The following CBR4 variants were observed in gnomAD, a reference collection of about 807,000 sequenced individuals.
CBR4 encodes carbonyl reductase 4.
Under a neutral mutation model 21.0 loss-of-function variants are expected in CBR4, and 22 were observed. The observed-to-expected ratio is 1.05, with a 90% confidence interval of 0.75 to 1.50. CBR4 has a LOEUF of 1.50. Ranked by LOEUF, CBR4 falls within the 40% of genes most tolerant of loss-of-function variation. CBR4 has a pLI of 0.00. For missense variants in CBR4, 302 were observed against 286.3 expected (o/e 1.05, Z -0.40); for synonymous variants, 100 against 104.4 (o/e 0.96, Z 0.26).
At chr4:168,962,204 AT>A (rs202128093) in intron 2 of CBR4, among the ~76,000 whole-genome samples, 25 of 151,806 alleles carry the variant, frequency 1.6e-4, no homozygotes, top group Non-Finnish European at 3.4e-4. Context: ...AAAACTAAGG[AT>A]TTTTTTTTCT....
At position 168,988,015 on chromosome 4, in the gene CBR4, A is replaced by G; in HGVS notation, c.*2135T>C. On this transcript the variant is annotated 3_prime_UTR_variant, in exon 5 of 5. Transcript: ENST00000306193. The stretch of plus-strand genomic sequence containing the variant: ...CTCATAGGAGTCAGCAAACAGCTAC[A>G]GATGAGTCTTCTTGTTAAGAATTCA... The G allele has an allele frequency of 1.0e-6, 1 of 985,478 alleles. No individual in the cohort carries two copies. Among genetic ancestry groups the G allele is most frequent in the Admixed American group, 6.1e-5 (1 of 16,294 alleles). 61.0% of individuals were successfully genotyped at this position (985,478 alleles called of 1,614,324 possible).
At chr4:168,974,714 T>G (rs1397794108) in intron 2 of CBR4, among the ~76,000 whole-genome samples, 2 of 152,216 alleles carry the variant, frequency 1.3e-5, no homozygotes, top group African/African-American at 4.8e-5. Context: ...TTCCACTGTA[T>G]TTAGCATTTC....
rs1730496871 is a variant in CBR4, at chr4:169,002,105, T to G, written c.501A>C (p.Ala167=). Residue 167 remains alanine, a synonymous_variant, in exon 4 of 5, where the codon GCA becomes GCC. Coordinates refer to ENST00000306193, the MANE Select transcript of CBR4 (RefSeq NM_032783.5). ...CTACATTCACTCTAATTTTCTTTCT[T>G]GCTACCTCTTTAGCAAGAGCACGTG... is the stretch of plus-strand genomic sequence containing the variant. ...GFSRALAKEV[A]RKKIRVNVVA... 8 of 1,598,114 alleles carry G rather than the reference T, an allele frequency of 5.0e-6. No individual in the cohort carries two copies. The highest frequency in any genetic ancestry group is 6.8e-6 in the Non-Finnish European group (8 of 1,173,782).
intron 2 of CBR4, chr4:168,896,629 A>C: frequency 7.7e-7 from 1 of 1,305,076 alleles, no homozygotes; most frequent in Non-Finnish European, 1.1e-6. Flanking sequence ...TTCTCCTTCC[A>C]GTCTTTCTCT....
At chr4:168,923,366 A>C (rs956774186) in intron 2 of CBR4, among the ~76,000 whole-genome samples, 1 of 152,226 alleles carries the variant, frequency 6.6e-6, no homozygotes, top group Non-Finnish European at 1.5e-5. Context: ...TTGCTGTGAT[A>C]TATCTGTCAC....
intron 2 of CBR4, among the ~76,000 whole-genome samples, chr4:168,953,849 T>C (rs72704252): frequency 1.3e-5 from 2 of 151,966 alleles, no homozygotes; most frequent in Admixed American, 6.6e-5. Context: ...TTAGAGCACA[T>C]AGAGAAGAAA....
chr4:168,974,664 T>C (rs1764315117), intron 2 of CBR4, among the ~76,000 whole-genome samples: 2 of 152,162 alleles, frequency 1.3e-5, no homozygotes, highest in Non-Finnish European at 2.9e-5. Flanking sequence ...CTTTGGGCTC[T>C]TATGTTTTCT....
chr4:168,984,242 T>C (rs761361387), downstream of CBR4, among the ~76,000 whole-genome samples: 2 of 152,076 alleles, frequency 1.3e-5, no homozygotes, highest in African/African-American at 2.4e-5. Flanking sequence ...CAAAAATCAG[T>C]AGTATTTATC....
At chr4:168,990,870 T>C (rs919393478) in intron 4 of CBR4, among the ~76,000 whole-genome samples, 1 of 151,924 alleles carries the variant, frequency 6.6e-6, no homozygotes, top group African/African-American at 2.4e-5. Flanking sequence ...CTGCCCAACA[T>C]GGTGAAACCC....
intron 2 of CBR4, among the ~76,000 whole-genome samples, chr4:168,970,598 A>C (rs1291305109): frequency 6.6e-6 from 1 of 152,128 alleles, no homozygotes; most frequent in Non-Finnish European, 1.5e-5. Flanking sequence ...TGAGCAGTGT[A>C]CACTGCACCC....
At chr4:168,923,018 C>T (rs1761891893) in intron 2 of CBR4, among the ~76,000 whole-genome samples, 3 of 152,220 alleles carry the variant, frequency 2.0e-5, no homozygotes, top group African/African-American at 7.2e-5. Context: ...CCTCACAGTG[C>T]TTTCCTAAGG....
rs1560894892 is a variant in CBR4 at position 168,905,138 on chromosome 4, G to GTTTTTTGTTTT, written n.170-10374_170-10373insAAAACAAAAAA. 6.1e-4 allele frequency among the ~76,000 whole-genome samples: 21 copies of GTTTTTTGTTTT among 34,538 alleles called. 3 individuals carry two copies. The highest frequency in any genetic ancestry group is 1.9e-3 in the East Asian group (1 of 524). The allele number at this position is 34,538 out of a possible 152,430, so 22.7% of individuals were successfully genotyped here. ...TGAGACTTTGTTTTTTGTTTTGTTG[G>GTTTTTTGTTTT]TTTTTTTTTTTTTTTTTTTTTTTTT... On this transcript the variant is annotated intron_variant and non_coding_transcript_variant, in intron 2 of 3. Coordinates refer to the CBR4 transcript ENST00000509108.
In CBR4 at chr4:168,988,364, C is replaced by G. The variant is rs1764765909; in HGVS notation, c.*1786G>C. On this transcript the variant is annotated 3_prime_UTR_variant, in exon 5 of 5. Coordinates refer to ENST00000306193, the MANE Select transcript of CBR4 (RefSeq NM_032783.5). ...GGCTAAACCTATCTATAACCTACAT[C>G]TTAATGTCAGCAAAACATACTGCTT... The G allele has an allele frequency of 2.9e-5, 29 of 985,256 alleles. No individual in the cohort carries two copies. Among genetic ancestry groups the G allele is most frequent in the Admixed American group, 6.2e-5 (1 of 16,252 alleles). 61.0% of individuals were successfully genotyped at this position (985,256 alleles called of 1,614,324 possible).
At chr4:168,947,093 T>C (rs776108739) in intron 2 of CBR4, among the ~76,000 whole-genome samples, 2 of 152,162 alleles carry the variant, frequency 1.3e-5, no homozygotes, top group East Asian at 1.9e-4. Context: ...ACATGCCTCA[T>C]AGACATAGAG....
intron 2 of CBR4, among the ~76,000 whole-genome samples, chr4:168,940,284 T>A (rs1042658001): frequency 6.6e-6 from 1 of 152,066 alleles, no homozygotes; most frequent in Non-Finnish European, 1.5e-5. Context: ...TATACAAAAA[T>A]TAACTCAAGA....
At position 168,903,806 on chromosome 4, in the gene CBR4, A is replaced by G. The variant is rs1446250415; in HGVS notation, n.170-9041T>C. 2 of 1,611,044 alleles carry G rather than the reference A, an allele frequency of 1.2e-6. No individual in the cohort carries two copies. Among genetic ancestry groups the G allele is most frequent in the Non-Finnish European group, 8.5e-7 (1 of 1,177,244 alleles). On this transcript the variant is annotated intron_variant and non_coding_transcript_variant, in intron 2 of 3. Transcript: ENST00000509108. Reference sequence around the variant, plus strand: ...CAGATCTCTCCAAAGAGTGATCACTACACCATTCAAAGAGATCTCGATGGG... The same window carrying G: ...CAGATCTCTCCAAAGAGTGATCACTGCACCATTCAAAGAGATCTCGATGGG...
intron 2 of CBR4, among the ~76,000 whole-genome samples, chr4:168,969,575 A>G (rs1764143155): frequency 6.6e-6 from 1 of 152,196 alleles, no homozygotes; most frequent in African/African-American, 2.4e-5. Context: ...GATTCAAAGC[A>G]TGAGTGGGAC....
intron 2 of CBR4, among the ~76,000 whole-genome samples, chr4:168,944,936 T>C (rs1763364605): frequency 6.6e-6 from 1 of 152,234 alleles, no homozygotes; most frequent in African/African-American, 2.4e-5. Flanking sequence ...ACTTCATTTG[T>C]AGCATGTGAC....
chr4:168,995,253 T>C (rs1241997437), intron 4 of CBR4, among the ~76,000 whole-genome samples: 1 of 152,194 alleles, frequency 6.6e-6, no homozygotes, highest in East Asian at 1.9e-4. Flanking sequence ...TGGGTTTTCA[T>C]CCATGCTGTG....
Sources: allele counts gnomAD v4.1 joint callset (sites outside exome capture counted in the v4.1 genomes callset), GRCh38; gene constraint gnomAD v4.1.1; transcripts MANE v1.5; gene names NCBI Gene and HGNC (gene_info 2026-07-23, HGNC 2026-07-21).